Variants in TBC1D4 observed in about 807,000 individuals in gnomAD.
TBC1D4 encodes TBC (Tre-2, BUB2, CDC16) domain-containing protein.
In TBC1D4, 121 loss-of-function variants were observed where a neutral mutation model predicts 142.5. That is an observed-to-expected ratio of 0.85 (90% CI 0.73 to 0.99). The LOEUF is 0.99. TBC1D4 is among the 50% of genes least tolerant of loss of function. The pLI, the probability that TBC1D4 is intolerant of heterozygous loss-of-function variation, is 0.00. For synonymous variants in TBC1D4, 630 were observed against 628.2 expected (o/e 1.00, Z -0.04); for missense variants, 1,475 against 1,606.6 (o/e 0.92, Z 1.40).
At chr13:75,413,761 T>C (rs981824359) in intron 1 of TBC1D4, among the ~76,000 whole-genome samples, 6 of 152,194 alleles carry the variant, frequency 3.9e-5, no homozygotes, top group Admixed American at 3.9e-4. Context: ...TTATATGACC[T>C]GTAGCTTCCT....
chr13:75,472,272 A>T (rs1351755155), intron 1 of TBC1D4, among the ~76,000 whole-genome samples: 1 of 144,676 alleles, frequency 6.9e-6, no homozygotes, highest in East Asian at 2.1e-4. Flanking sequence ...TACAAAAATT[A>T]GCTGGGTGTG....
At chr13:75,302,163 GAACA>G in intron 16 of TBC1D4, 76 bp downstream of exon 16, 3 of 1,570,112 alleles carry the variant, frequency 1.9e-6, no homozygotes, top group Non-Finnish European at 2.6e-6. Context: ...TCAGCACCAA[GAACA>G]AACAAAAACC....
In TBC1D4 at chr13:75,436,048, G is replaced by A. The variant is rs141229581; in HGVS notation, c.498+45222C>T. On this transcript the variant is annotated intron_variant, in intron 1 of 20. Coordinates refer to ENST00000377636, the MANE Select transcript of TBC1D4 (RefSeq NM_014832.5). ...CCCATAATCCCCACGTGTCATGGGA[G>A]GTAATTGAATCATGGCAGCAGGTTT... is the stretch of plus-strand genomic sequence containing the variant. Among the ~76,000 whole-genome samples the A allele has an allele frequency of 3.7e-3, 569 of 152,256 alleles. 5 individuals are homozygous for A. Among genetic ancestry groups the A allele is most frequent in the African/African-American group, 0.013 (536 of 41,558 alleles).
chr13:75,361,199 A>C (rs762818301), intron 2 of TBC1D4, among the ~76,000 whole-genome samples: 42 of 152,188 alleles, frequency 2.8e-4, no homozygotes, highest in Admixed American at 1.4e-3. Flanking sequence ...AATTCAGTAC[A>C]TTTTTAGGCC....
intron 18 of TBC1D4, 79 bp from the exon 19 acceptor site, chr13:75,292,350 T>A: frequency 8.0e-7 from 1 of 1,248,446 alleles, no homozygotes; most frequent in Non-Finnish European, 1.1e-6. Flanking sequence ...TGCTAAAGGT[T>A]TTTGTTTACT....
chr13:75,479,624 G>C (rs1411842990), intron 1 of TBC1D4, among the ~76,000 whole-genome samples: 1 of 151,868 alleles, frequency 6.6e-6, no homozygotes, highest in African/African-American at 2.4e-5. Context: ...AGAAACCCCC[G>C]AGAGTCATGA....
At chr13:75,351,398 A>G (rs1881578996) in intron 4 of TBC1D4, among the ~76,000 whole-genome samples, 1 of 152,010 alleles carries the variant, frequency 6.6e-6, no homozygotes, top group African/African-American at 2.4e-5. Flanking sequence ...ATATATACTT[A>G]TTGTAAAAAT....
intron 1 of TBC1D4, among the ~76,000 whole-genome samples, chr13:75,380,905 A>G (rs887749861): frequency 1.3e-5 from 2 of 152,078 alleles, no homozygotes; most frequent in Non-Finnish European, 2.9e-5. Context: ...TCTCTGTAAC[A>G]TCTACTATGC....
Position 75,289,835 on chromosome 13 carries a change from G to C in TBC1D4, c.3487-725C>G, listed in dbSNP as rs61960550. Among the ~76,000 whole-genome samples, 1,235 of 152,252 alleles carry C rather than the reference G, an allele frequency of 8.1e-3. 9 individuals carry two copies. The highest frequency in any genetic ancestry group is 0.027 in the Middle Eastern group (8 of 294). ...ACAGTTACTCCAAACTTCCTAGGGG[G>C]AAGGAGAGACAACAGCTGCTATTCA... is the stretch of plus-strand genomic sequence containing the variant. On this transcript the variant is annotated intron_variant, in intron 19 of 20. Coordinates refer to ENST00000377636, the MANE Select transcript of TBC1D4 (RefSeq NM_014832.5).
chr13:75,394,509 T>A (rs1468892659), intron 1 of TBC1D4, among the ~76,000 whole-genome samples: 1 of 152,250 alleles, frequency 6.6e-6, no homozygotes, highest in Non-Finnish European at 1.5e-5. Flanking sequence ...TTCAGCTGTA[T>A]AATTTTTGTT....
chr13:75,403,676 T>C (rs769213498), intron 1 of TBC1D4, among the ~76,000 whole-genome samples: 6 of 152,314 alleles, frequency 3.9e-5, no homozygotes, highest in East Asian at 1.9e-4. Context: ...ATTTTTCCTC[T>C]TCCTAGTTGC....
At chr13:75,312,699 A>C in intron 13 of TBC1D4, 39 bp downstream of exon 13, 3 of 1,613,720 alleles carry the variant, frequency 1.9e-6, no homozygotes, top group Non-Finnish European at 2.5e-6. Flanking sequence ...AATTTCTGAC[A>C]CTCAGAGGGA....
intron 7 of TBC1D4, among the ~76,000 whole-genome samples, chr13:75,338,471 GGAAGGAAAT>G (rs1880408674): frequency 6.6e-6 from 1 of 152,088 alleles, no homozygotes; most frequent in African/African-American, 2.4e-5. Flanking sequence ...TTGAATAAAT[GGAAGGAAAT>G]GAAGGAAAGG....
chr13:75,406,060 G>A (rs1885324060), intron 1 of TBC1D4, among the ~76,000 whole-genome samples: 1 of 152,236 alleles, frequency 6.6e-6, no homozygotes, highest in African/African-American at 2.4e-5. Flanking sequence ...AGGTTTCTCA[G>A]TCATAATTGA....
Position 75,287,019 on chromosome 13 carries a change from G to A in TBC1D4, c.3670C>T (p.His1224Tyr). The change falls in exon 21 of 21, where the codon CAT becomes TAT. Residue 1224 changes from histidine (H) to tyrosine (Y), a missense_variant. This residue lies in a region of TBC1D4 where 248 missense variants were observed against 338.9 expected (regional missense o/e 0.73). Transcript: ENST00000377636. ...GATTCCAAGGCCTGGATTTTAGTATGAGCTACCTGTTTGGGGGGGAAAAAA... is the reference window on the plus strand; with the variant it reads ...GATTCCAAGGCCTGGATTTTAGTATAAGCTACCTGTTTGGGGGGGAAAAAA... Reference protein sequence around the residue: ...MDLLEKLQVAHTKIQALESNL... With the variant: ...MDLLEKLQVAYTKIQALESNL... 5 of 1,607,590 alleles carry A rather than the reference G, an allele frequency of 3.1e-6. No individual in the cohort carries two copies. The highest frequency in any genetic ancestry group is 3.4e-6 in the Non-Finnish European group (4 of 1,179,696).
chr13:75,357,238 T>C (rs1194505362), intron 3 of TBC1D4, among the ~76,000 whole-genome samples: 1 of 152,186 alleles, frequency 6.6e-6, no homozygotes, highest in Admixed American at 6.5e-5. Context: ...TAATAAGCTC[T>C]ATCCAATGGA....
At chr13:75,445,116 C>T (rs2138214567) in intron 1 of TBC1D4, among the ~76,000 whole-genome samples, 1 of 152,314 alleles carries the variant, frequency 6.6e-6, no homozygotes, top group East Asian at 1.9e-4. Context: ...GCTTTTTCCT[C>T]ATACTACACC....
intron 1 of TBC1D4, among the ~76,000 whole-genome samples, chr13:75,388,003 T>C (rs568750491): frequency 2.0e-5 from 3 of 152,318 alleles, no homozygotes; most frequent in East Asian, 1.9e-4. Flanking sequence ...TATGGTCTTC[T>C]TTCAGGCTGT....
At chr13:75,385,828 T>A (rs7334079) in intron 1 of TBC1D4, among the ~76,000 whole-genome samples, 149,968 of 152,304 alleles carry the variant, frequency 0.98, 73,878 homozygotes, top group East Asian at 1. Flanking sequence ...TTGAACCCAC[T>A]CATAAAATCA....
Sources: gnomAD v4.1 joint callset for allele counts (sites outside exome capture counted in the v4.1 genomes callset) on GRCh38, gnomAD v4.1.1 for gene constraint, gnomAD v4.1.1 regional missense constraint, MANE v1.5 for transcripts, NCBI Gene and HGNC (gene_info 2026-07-23, HGNC 2026-07-21) for gene names.